Variants in MRTFB observed in about 807,000 individuals in gnomAD.
The protein encoded by MRTFB is myocardin-related transcription factor B.
MRTFB carries 29 observed loss-of-function variants against 104.2 expected under a neutral mutation model. The ratio of observed to expected loss-of-function variants is 0.28; its 90% CI spans 0.21 to 0.38. MRTFB has a LOEUF of 0.38. MRTFB is among the 10% of genes least tolerant of loss of function. The pLI, the probability that MRTFB is intolerant of heterozygous loss-of-function variation, is 1.00. For missense variants in MRTFB, 1,270 were observed against 1,341.6 expected (o/e 0.95, Z 0.83); for synonymous variants, 535 against 519.5 (o/e 1.03, Z -0.41).
Position 14,252,608 on chromosome 16 carries a change from A to G in MRTFB, c.2703+106A>G, listed in dbSNP as rs190505594. The G allele has an allele frequency of 3.6e-5, 47 of 1,294,270 alleles. No individual in the cohort carries two copies. In the East Asian group the frequency reaches 9.2e-4, roughly 25 times the overall value. The allele number at this position is 1,294,270 out of a possible 1,614,324, so 80.2% of individuals were successfully genotyped here. On this transcript the variant is annotated intron_variant, in intron 15 of 16. Coordinates refer to ENST00000571589, the MANE Select transcript of MRTFB (RefSeq NM_001308142.2). ...CCTTGTCTGAAACTGACTTGCCTCAATAGAAATACAAAAATAACCTTGTAT... is the reference window on the plus strand; with the variant it reads ...CCTTGTCTGAAACTGACTTGCCTCAGTAGAAATACAAAAATAACCTTGTAT...
the MRTFB span, among the ~76,000 whole-genome samples, chr16:14,055,766 G>A: frequency 1.3e-5 from 2 of 151,904 alleles, no homozygotes; most frequent in Non-Finnish European, 2.9e-5. Context: ...TGTGGTGTCT[G>A]CTGGGTTTCC....
At chr16:14,243,803 G>C (rs1448594348) in intron 10 of MRTFB, among the ~76,000 whole-genome samples, 1 of 150,530 alleles carries the variant, frequency 6.6e-6, no homozygotes, top group Non-Finnish European at 1.5e-5. Context: ...AGCCCCCTTT[G>C]TCTCCCTTTT....
the MRTFB span, among the ~76,000 whole-genome samples, chr16:13,997,203 G>A: frequency 1.3e-5 from 2 of 152,194 alleles, no homozygotes; most frequent in Admixed American, 6.5e-5. Flanking sequence ...GACATGGGGG[G>A]CATCTCAAAT....
chr16:14,180,847 G>A, intron 3 of MRTFB, among the ~76,000 whole-genome samples: 1 of 152,170 alleles, frequency 6.6e-6, no homozygotes, highest in Non-Finnish European at 1.5e-5. Context: ...GTTCCAGGGT[G>A]GGGGACAACA....
intron 1 of MRTFB, among the ~76,000 whole-genome samples, chr16:14,073,882 G>A (rs1287065888): frequency 2.0e-5 from 3 of 152,166 alleles, no homozygotes; most frequent in African/African-American, 7.2e-5. Flanking sequence ...TGATTTGTTA[G>A]CAGTTGTCTT....
At chr16:14,204,022 A>G (rs1287796019) in intron 3 of MRTFB, among the ~76,000 whole-genome samples, 1 of 152,140 alleles carries the variant, frequency 6.6e-6, no homozygotes, top group East Asian at 1.9e-4. Flanking sequence ...GTGCCGTGGT[A>G]CAATCATAGC....
chr16:14,239,858 G>A (rs2042684217), intron 9 of MRTFB, among the ~76,000 whole-genome samples: 1 of 152,020 alleles, frequency 6.6e-6, no homozygotes, highest in Non-Finnish European at 1.5e-5. Flanking sequence ...ACATGGTTTT[G>A]GTGAAGTATA....
At chr16:14,200,241 TA>T (rs2040623168) in intron 3 of MRTFB, 2 of 1,341,412 alleles carry the variant, frequency 1.5e-6, no homozygotes, top group Admixed American at 2.2e-5. Flanking sequence ...ATATGAATAA[TA>T]CATCCATATG....
the MRTFB span, among the ~76,000 whole-genome samples, chr16:14,062,552 G>T: frequency 6.6e-6 from 1 of 152,164 alleles, no homozygotes; most frequent in African/African-American, 2.4e-5. Flanking sequence ...GAGAAAGTTT[G>T]CCTCCCCACT....
At chr16:14,006,643 A>C in the MRTFB span, among the ~76,000 whole-genome samples, 1 of 152,154 alleles carries the variant, frequency 6.6e-6, no homozygotes, top group Non-Finnish European at 1.5e-5. Flanking sequence ...TGTTCTAAAC[A>C]ATAGTATTGT....
intron 3 of MRTFB, among the ~76,000 whole-genome samples, chr16:14,194,559 T>C (rs1221279261): frequency 6.6e-6 from 1 of 152,232 alleles, no homozygotes; most frequent in Admixed American, 6.5e-5. Context: ...CTTATTGATG[T>C]AAGAACTTTT....
At chr16:14,160,690 A>G (rs1441833742) in intron 3 of MRTFB, among the ~76,000 whole-genome samples, 1 of 152,120 alleles carries the variant, frequency 6.6e-6, no homozygotes, top group African/African-American at 2.4e-5. Flanking sequence ...TTCTGAGGAA[A>G]AAAAAAAGCT....
the MRTFB span, among the ~76,000 whole-genome samples, chr16:14,036,553 A>G: frequency 1.3e-5 from 2 of 149,572 alleles, no homozygotes; most frequent in Non-Finnish European, 3.0e-5. Context: ...CATCATTTAT[A>G]TGTTGAAATA....
chr16:14,060,196 A>G, the MRTFB span, among the ~76,000 whole-genome samples: 3 of 151,696 alleles, frequency 2.0e-5, no homozygotes, highest in Non-Finnish European at 4.4e-5. Flanking sequence ...TAGTAGAGAC[A>G]GGATTTCACC....
At chr16:14,149,961 T>C (rs2038531505) in intron 3 of MRTFB, among the ~76,000 whole-genome samples, 1 of 152,200 alleles carries the variant, frequency 6.6e-6, no homozygotes, top group African/African-American at 2.4e-5. Context: ...GTATTCCTTC[T>C]AGATTGTTGG....
At position 14,133,471 on chromosome 16, in the gene MRTFB, A is replaced by T. The variant is rs999200541; in HGVS notation, c.-63-7073A>T. ...GTCTTAGACAAGTAAATCAAACTACATTTTTTTCATGTATTTTAAACGTAA... is the reference window on the plus strand; with the variant it reads ...GTCTTAGACAAGTAAATCAAACTACTTTTTTTTCATGTATTTTAAACGTAA... On this transcript the variant is annotated intron_variant, in intron 2 of 16. Transcript: ENST00000571589. Among the ~76,000 whole-genome samples the T allele has an allele frequency of 2.2e-4, 33 of 152,236 alleles. 1 individual carries two copies. The highest frequency in any genetic ancestry group is 6.8e-3 in the Middle Eastern group (2 of 294).
intron 3 of MRTFB, among the ~76,000 whole-genome samples, chr16:14,154,440 G>A (rs149685554): frequency 3.9e-5 from 6 of 152,246 alleles, no homozygotes; most frequent in South Asian, 2.1e-4. Context: ...GCATAGAGCC[G>A]AATCTTTTTA....
chr16:14,092,401 G>A (rs776496622), intron 2 of MRTFB, among the ~76,000 whole-genome samples: 10 of 152,180 alleles, frequency 6.6e-5, no homozygotes, highest in Non-Finnish European at 1.3e-4. Context: ...AGATTTAGGA[G>A]TTATCTGTGT....
the MRTFB span, among the ~76,000 whole-genome samples, chr16:14,013,980 C>T: frequency 1.3e-5 from 2 of 152,150 alleles, no homozygotes; most frequent in African/African-American, 2.4e-5. Context: ...GTTTTTTAAA[C>T]GGTACTCAAC....
Sources: allele counts gnomAD v4.1 joint callset (sites outside exome capture counted in the v4.1 genomes callset), GRCh38; gene constraint gnomAD v4.1.1; transcripts MANE v1.5; gene names NCBI Gene and HGNC (gene_info 2026-07-23, HGNC 2026-07-21).